GSTO2: variants seen among roughly 807,000 people sequenced by gnomAD.
The protein encoded by GSTO2 is glutathione S-transferase omega-2.
A neutral mutation model predicts 28.4 loss-of-function variants in GSTO2; 23 were observed. The observed-to-expected ratio is 0.81, with a 90% CI of 0.58 to 1.15. GSTO2 has a LOEUF of 1.15. Ranked by LOEUF, GSTO2 falls within the 50% of genes most tolerant of loss-of-function variation. GSTO2 has a pLI of 0.00. For synonymous variants in GSTO2, 109 were observed against 111.0 expected (o/e 0.98, Z 0.11); for missense variants, 298 against 297.8 (o/e 1.00, Z 0.00).
Position 104,300,451 on chromosome 10 carries a change from T to C in GSTO2, c.*1167T>C, listed in dbSNP as rs7085725. The C allele has an allele frequency of 0.096, 14,616 of 152,264 alleles. 1,580 individuals are homozygous for C. Among genetic ancestry groups the C allele is most frequent in the African/African-American group, 0.27 (11,015 of 41,476 alleles). The allele number at this position is 152,264 out of a possible 1,614,324, so 9.4% of individuals were successfully genotyped here. A position where few individuals can be genotyped will look rare whatever the true frequency, so the allele number is the denominator to read the frequency against. On this transcript the variant is annotated 3_prime_UTR_variant, in exon 7 of 7. Coordinates refer to ENST00000338595, the MANE Select transcript of GSTO2 (RefSeq NM_183239.2). ...CCCTGGGAGCCCCCATCTCTCCACT[T>C]ATCTTGGTTGAGGTTTTAAACCTAG...
chr10:104,289,981 C>T (rs1242080090), intron 5 of GSTO2, among the ~76,000 whole-genome samples: 2 of 152,052 alleles, frequency 1.3e-5, no homozygotes, highest in African/African-American at 2.4e-5. Context: ...TTCACTGGGG[C>T]GGGAATGTTA....
Position 104,275,264 on chromosome 10 carries a change from C to A in GSTO2, c.73C>A (p.Arg25Ser), listed in dbSNP as rs755885559. The A allele has an allele frequency of 1.2e-6, 2 of 1,613,986 alleles. No individual in the cohort carries two copies. Among genetic ancestry groups the A allele is most frequent in the East Asian group, 4.5e-5 (2 of 44,852 alleles). Reference sequence around the variant, plus strand: ...AGGGCCAGTCCCGGAGGGGCTGATCCGCATCTACAGCATGAGGTTCTGCCC... The same window carrying A: ...AGGGCCAGTCCCGGAGGGGCTGATCAGCATCTACAGCATGAGGTTCTGCCC... ...PPGPVPEGLI[R>S]IYSMRFCPYS... The change falls in exon 3 of 7, where the codon CGC becomes AGC. Residue 25 changes from arginine (R) to serine (S), a missense_variant. Transcript: ENST00000338595.
chr10:104,274,732 A>AGTT lies in GSTO2; in HGVS notation c.-184_-183insGTT. 1.5e-6 allele frequency: 1 copy of AGTT among 689,612 alleles called. No individual in the cohort carries two copies. The highest frequency in any genetic ancestry group is 1.8e-5 in the South Asian group (1 of 55,250). 42.7% of individuals were successfully genotyped at this position (689,612 alleles called of 1,614,324 possible). A position where few individuals can be genotyped will look rare whatever the true frequency, so the allele number is the denominator to read the frequency against. ...TCTGGGGCGATGTCTCCCCAGGTTA[A>AGTT]ATTACCCTAGCTCCTGCTCCAGATC... On this transcript the variant is annotated 5_prime_UTR_variant, in exon 2 of 7. Transcript: ENST00000338595.
chr10:104,271,743 C>G (rs1015237825), intron 1 of GSTO2, among the ~76,000 whole-genome samples: 1 of 152,232 alleles, frequency 6.6e-6, no homozygotes, highest in Non-Finnish European at 1.5e-5. Context: ...TCCCAACTCT[C>G]AGAGTTAGTT....
At chr10:104,269,844 T>C (rs1383111693) in intron 1 of GSTO2, among the ~76,000 whole-genome samples, 1 of 152,202 alleles carries the variant, frequency 6.6e-6, no homozygotes, top group Non-Finnish European at 1.5e-5. Context: ...GAATTACATA[T>C]AAGAACACCC....
chr10:104,273,955 A>G (rs2011517371), intron 1 of GSTO2, among the ~76,000 whole-genome samples: 1 of 152,206 alleles, frequency 6.6e-6, no homozygotes, highest in Admixed American at 6.5e-5. Flanking sequence ...ATTTACAAGC[A>G]ATTCCCACAT....
intron 6 of GSTO2, among the ~76,000 whole-genome samples, chr10:104,298,294 C>T (rs2013137895): frequency 6.6e-6 from 1 of 152,156 alleles, no homozygotes; most frequent in African/African-American, 2.4e-5. Flanking sequence ...CGGACGTCCA[C>T]CCTAATCCAA....
At chr10:104,276,344 T>C (rs994142054) in intron 3 of GSTO2, among the ~76,000 whole-genome samples, 2 of 152,248 alleles carry the variant, frequency 1.3e-5, no homozygotes, top group East Asian at 3.8e-4. Flanking sequence ...TTTTGCCCAT[T>C]TGGTGATAAA....
chr10:104,290,861 T>C (rs1361438807), intron 5 of GSTO2, among the ~76,000 whole-genome samples: 2 of 152,182 alleles, frequency 1.3e-5, no homozygotes, highest in Non-Finnish European at 1.5e-5. Context: ...AAATAATAAC[T>C]TAATTGCACA....
intron 5 of GSTO2, among the ~76,000 whole-genome samples, chr10:104,287,887 C>CTTTTT (rs397760653): frequency 8.6e-6 from 1 of 116,226 alleles, no homozygotes; most frequent in African/African-American, 3.4e-5. Flanking sequence ...GAAAAAAACA[C>CTTTTT]TTTTTTTTTT....
intron 5 of GSTO2, among the ~76,000 whole-genome samples, chr10:104,281,332 A>C (rs1022902310): frequency 6.6e-6 from 1 of 152,214 alleles, no homozygotes; most frequent in Non-Finnish European, 1.5e-5. Context: ...TTTAAAGATC[A>C]GCTGAATGGA....
chr10:104,286,003 A>G (rs928265351), intron 5 of GSTO2: 15 of 323,052 alleles, frequency 4.6e-5, no homozygotes, highest in African/African-American at 3.1e-4. Context: ...ATCCTTTTAT[A>G]TATAGTAGAC....
In GSTO2 at chr10:104,278,003, G is replaced by C. The variant is rs768931763; in HGVS notation, c.253G>C (p.Glu85Gln). The change falls in exon 4 of 7, where the codon GAA becomes CAA. Residue 85 changes from glutamate to glutamine, a missense_variant. Coordinates refer to ENST00000338595, the MANE Select transcript of GSTO2 (RefSeq NM_183239.2). ...LETSQCQLIY[E>Q]SVIACEYLDD... is the part of the protein sequence containing the mutation. ...GACCAGCCAATGTCAACTGATCTAT[G>C]AATCTGTTATTGCTTGTGAGTACCT... The C allele has an allele frequency of 6.2e-7, 1 of 1,613,692 alleles. No homozygotes were observed. The highest frequency in any genetic ancestry group is 1.7e-5 in the Admixed American group (1 of 60,020).
rs775525155 is a variant in GSTO2 at position 104,297,703 on chromosome 10, T to C, written c.575+19T>C. 7 of 1,531,080 alleles carry C rather than the reference T, an allele frequency of 4.6e-6. No homozygotes were observed. The South Asian group carries it at 6.7e-5, about 15-fold the overall frequency. The allele number at this position is 1,531,080 out of a possible 1,614,324, so 94.8% of individuals were successfully genotyped here. A position where few individuals can be genotyped will look rare whatever the true frequency, so the allele number is the denominator to read the frequency against. The stretch of plus-strand genomic sequence containing the variant: ...TACTGGAGTAAGACATTTGACATTG[T>C]GGTGTTAAATTCCCGGAGTCACACT... On this transcript the variant is annotated intron_variant, in intron 6 of 6. Transcript: ENST00000338595.
At chr10:104,272,648 C>T (rs972186584) in intron 1 of GSTO2, among the ~76,000 whole-genome samples, 4 of 110,374 alleles carry the variant, frequency 3.6e-5, no homozygotes, top group Admixed American at 1.4e-4. Context: ...GAGTCTCGCT[C>T]TGTCGCCCAG....
Position 104,304,158 on chromosome 10 carries a change from A to AT in GSTO2, c.*4875dup, listed in dbSNP as rs1370653235. On this transcript the variant is annotated 3_prime_UTR_variant, in exon 7 of 7. Transcript: ENST00000338595. ...TCTCAATGAGTAGTCTCCAGTTCCC[A>AT]TCCCCCACCACACACACACACCAAA... 1 of 152,302 alleles carries AT rather than the reference A, an allele frequency of 6.6e-6. No homozygotes were observed. Among genetic ancestry groups the AT allele is most frequent in the Admixed American group, 6.5e-5 (1 of 15,282 alleles). The allele number at this position is 152,302 out of a possible 1,614,324, so 9.4% of individuals were successfully genotyped here.
At chr10:104,278,328 G>C (rs1241703692) in intron 4 of GSTO2, among the ~76,000 whole-genome samples, 1 of 152,210 alleles carries the variant, frequency 6.6e-6, no homozygotes, top group African/African-American at 2.4e-5. Context: ...CAACTGGCAG[G>C]CTCAGGAGGT....
rs2013089089 is a variant in GSTO2, at chr10:104,297,399, C to T, written c.469-179C>T. The stretch of plus-strand genomic sequence containing the variant: ...GGACAGAGGTGGCCAGGAGTGTGAC[C>T]CTAAAAGAGGCAGAGGAGACCTCAG... On this transcript the variant is annotated intron_variant, in intron 5 of 6. Coordinates refer to ENST00000338595, the MANE Select transcript of GSTO2 (RefSeq NM_183239.2). 2.3e-5 allele frequency: 11 copies of T among 480,816 alleles called. No homozygotes were observed. In the South Asian group the frequency reaches 2.5e-4, roughly 11 times the overall value. The allele number at this position is 480,816 out of a possible 1,614,324, so 29.8% of individuals were successfully genotyped here. A position where few individuals can be genotyped will look rare whatever the true frequency, so the allele number is the denominator to read the frequency against.
In GSTO2 at chr10:104,274,798, A is replaced by C; in HGVS notation, c.-118A>C. 1 of 1,275,938 alleles carries C rather than the reference A, an allele frequency of 7.8e-7. No individual in the cohort carries two copies. Among genetic ancestry groups the C allele is most frequent in the Admixed American group, 2.1e-5 (1 of 47,622 alleles). 79.0% of individuals were successfully genotyped at this position (1,275,938 alleles called of 1,614,324 possible). A position where few individuals can be genotyped will look rare whatever the true frequency, so the allele number is the denominator to read the frequency against. On this transcript the variant is annotated 5_prime_UTR_variant, in exon 2 of 7. Coordinates refer to ENST00000338595, the MANE Select transcript of GSTO2 (RefSeq NM_183239.2). ...GCCAGAGCCCAGTAGTTCAAAAATT[A>C]AATTTGGGGCAAGGGGTGCGCGCCA...
Sources: gnomAD v4.1 joint callset for allele counts (sites outside exome capture counted in the v4.1 genomes callset) on GRCh38, gnomAD v4.1.1 for gene constraint, MANE v1.5 for transcripts, NCBI Gene and HGNC (gene_info 2026-07-23, HGNC 2026-07-21) for gene names.